The following TTC1 variants were observed in gnomAD, a reference collection of about 807,000 sequenced individuals.
TTC1 encodes the protein tetratricopeptide repeat protein 1.
TTC1 carries 31 observed loss-of-function variants against 37.6 expected under a neutral mutation model. That is an observed-to-expected ratio of 0.82 (90% CI 0.62 to 1.11). The LOEUF (loss-of-function observed/expected upper bound fraction) is 1.11, where lower values mean the gene tolerates loss of function less well. Among genes scored for constraint, TTC1 ranks in the 50% most tolerant of loss-of-function variants. The probability of loss-of-function intolerance (pLI) is 0.00; values close to 1 mark genes in which losing one functional copy is unlikely to be tolerated. For missense variants in TTC1, 351 were observed against 339.0 expected (o/e 1.04, Z -0.28); for synonymous variants, 127 against 122.4 (o/e 1.04, Z -0.25).
At chr5:160,059,030 C>G (rs1405931003) in intron 7 of TTC1, among the ~76,000 whole-genome samples, 1 of 152,128 alleles carries the variant, frequency 6.6e-6, no homozygotes, top group Non-Finnish European at 1.5e-5. Context: ...CTTAAGGGCC[C>G]TAAGATTTTT....
chr5:160,010,083 C>T (rs1756468050), intron 1 of TTC1, among the ~76,000 whole-genome samples: 1 of 152,022 alleles, frequency 6.6e-6, no homozygotes, highest in Non-Finnish European at 1.5e-5. Context: ...TTAAAAACGG[C>T]TTCTTTTGTT....
At chr5:160,037,743 G>T (rs3941840) in intron 4 of TTC1, among the ~76,000 whole-genome samples, 150,720 of 152,230 alleles carry the variant, frequency 0.99, 74,618 homozygotes, top group East Asian at 1. Flanking sequence ...CTGATTTTCC[G>T]ATTTAGTCTT....
intron 5 of TTC1, among the ~76,000 whole-genome samples, chr5:160,046,969 G>A (rs548191137): frequency 6.6e-6 from 1 of 152,172 alleles, no homozygotes; most frequent in Admixed American, 6.5e-5. Flanking sequence ...CCGAGATCAC[G>A]CCATTACACT....
At position 160,057,686 on chromosome 5, in the gene TTC1, A is replaced by G. The variant is rs1332096142; in HGVS notation, c.745+6503A>G. ...GCTGTTTGATAGCATTTTACCCACA[A>G]TAGTTCTTCCAGTATTGGACTCAGT... On this transcript the variant is annotated intron_variant, in intron 7 of 7. Transcript: ENST00000231238. The surrounding 1 kb of genome is among the most constrained non-coding windows in gnomAD (Gnocchi z 4.4). Among the ~76,000 whole-genome samples, 4 of 152,258 alleles carry G rather than the reference A, an allele frequency of 2.6e-5. No homozygotes were observed. Among genetic ancestry groups the G allele is most frequent in the East Asian group, 1.9e-4 (1 of 5,176 alleles).
In TTC1 at chr5:160,049,654, G is replaced by C; in HGVS notation, c.682G>C (p.Ala228Pro). Residue 228 changes from alanine (A) to proline (P), a missense_variant, in exon 6 of 8, where the codon GCT becomes CCT. Ala to Pro is a conservative substitution (Grantham distance 27). Coordinates refer to ENST00000231238, the MANE Select transcript of TTC1 (RefSeq NM_003314.3). ...TCCATCAATACATCAAGCAAGAGAA[G>C]CTTGTATGGTAAAACCTAAAATTTT... ...KDPSIHQARE[A>P]CMRLPKQIEE... The C allele has an allele frequency of 1.3e-6, 2 of 1,574,250 alleles. No homozygotes were observed. Among genetic ancestry groups the C allele is most frequent in the Non-Finnish European group, 1.7e-6 (2 of 1,168,240 alleles).
chr5:160,059,539 A>T (rs942484358), intron 7 of TTC1, among the ~76,000 whole-genome samples: 1 of 152,228 alleles, frequency 6.6e-6, no homozygotes, highest in African/African-American at 2.4e-5. Flanking sequence ...TAATTTTGTT[A>T]AAGTCTGGCT....
At chr5:160,020,446 G>A (rs1256381047) in intron 2 of TTC1, among the ~76,000 whole-genome samples, 4 of 152,194 alleles carry the variant, frequency 2.6e-5, no homozygotes, top group Non-Finnish European at 5.9e-5. Context: ...GGAAATAAGG[G>A]TTGCTTGCTC....
Position 160,049,501 on chromosome 5 carries a change from T to C in TTC1, c.542-13T>C. The stretch of plus-strand genomic sequence containing the variant: ...TTTCTTTGTGATAAAAATTATTTCT[T>C]CTCTTTTTACAGCAATTCAATTAAA... On this transcript the variant is annotated splice_polypyrimidine_tract_variant and intron_variant, in intron 5 of 7. Coordinates refer to ENST00000231238, the MANE Select transcript of TTC1 (RefSeq NM_003314.3). 4 of 1,552,182 alleles carry C rather than the reference T, an allele frequency of 2.6e-6. No homozygotes were observed. The highest frequency in any genetic ancestry group is 3.5e-6 in the Non-Finnish European group (4 of 1,155,652).
chr5:160,009,794 G>A (rs1756463253), intron 1 of TTC1, among the ~76,000 whole-genome samples: 2 of 152,210 alleles, frequency 1.3e-5, no homozygotes, highest in South Asian at 4.1e-4. Flanking sequence ...CTGCGCCAGG[G>A]TTCCCCTTCC....
intron 2 of TTC1, among the ~76,000 whole-genome samples, chr5:160,033,004 G>A (rs949467770): frequency 2.5e-4 from 38 of 151,948 alleles, no homozygotes; most frequent in African/African-American, 8.2e-4. Context: ...GATTACAGGC[G>A]TGAGCCACCA....
intron 7 of TTC1, among the ~76,000 whole-genome samples, chr5:160,051,922 A>G (rs1440657097): frequency 6.6e-6 from 1 of 152,254 alleles, no homozygotes; most frequent in Non-Finnish European, 1.5e-5. Flanking sequence ...ATAAACTGCA[A>G]TCATGTGGCC....
At chr5:160,024,053 A>T in intron 2 of TTC1, 1 of 1,198,202 alleles carries the variant, frequency 8.3e-7, no homozygotes, top group Non-Finnish European at 1.2e-6. Context: ...CAATCAATAT[A>T]CTCTGGTTAG....
intron 7 of TTC1, among the ~76,000 whole-genome samples, chr5:160,062,967 G>A (rs755889787): frequency 4.6e-5 from 7 of 152,128 alleles, no homozygotes; most frequent in African/African-American, 7.2e-5. Flanking sequence ...AGGCTGTGCC[G>A]CTGCCTTGTG....
intron 2 of TTC1, among the ~76,000 whole-genome samples, chr5:160,013,172 A>C (rs565917397): frequency 3.3e-5 from 5 of 152,238 alleles, no homozygotes; most frequent in Non-Finnish European, 7.3e-5. Context: ...ACTTTAAGGA[A>C]ACAACCTATA....
chr5:160,049,689 T>C, intron 6 of TTC1, 27 bp downstream of exon 6: 1 of 1,505,126 alleles, frequency 6.6e-7, no homozygotes, highest in Non-Finnish European at 8.9e-7. Context: ...TAAAAATATT[T>C]TTCCTTCTAT....
intron 2 of TTC1, among the ~76,000 whole-genome samples, chr5:160,033,692 T>C (rs1047389327): frequency 3.3e-5 from 5 of 152,058 alleles, no homozygotes; most frequent in Admixed American, 6.5e-5. Flanking sequence ...AAACCATCAG[T>C]TCTCATGAAA....
At chr5:160,036,875 C>T (rs1166996160) in intron 4 of TTC1, 72 bp downstream of exon 4, 2 of 1,071,990 alleles carry the variant, frequency 1.9e-6, no homozygotes, top group Non-Finnish European at 2.8e-6. Context: ...AGTTTCTCTC[C>T]AGAAACTAGC....
intron 2 of TTC1, among the ~76,000 whole-genome samples, chr5:160,011,406 A>G (rs927482841): frequency 8.5e-5 from 13 of 152,132 alleles, no homozygotes; most frequent in African/African-American, 2.7e-4. Context: ...ACTGACTTAA[A>G]ATGTTACTTG....
At chr5:160,010,187 G>T (rs1186116950) in intron 1 of TTC1, among the ~76,000 whole-genome samples, 4 of 150,704 alleles carry the variant, frequency 2.7e-5, no homozygotes, top group Admixed American at 2.0e-4. Flanking sequence ...GAACCCGGAC[G>T]GCAGAGGTTG....
Sources: allele counts gnomAD v4.1 joint callset (sites outside exome capture counted in the v4.1 genomes callset), GRCh38; gene constraint gnomAD v4.1.1; non-coding constraint Gnocchi (gnomAD v3.1); transcripts MANE v1.5; gene names NCBI Gene and HGNC (gene_info 2026-07-23, HGNC 2026-07-21).